MTHFD1L: variants seen among roughly 807,000 people sequenced by gnomAD.
The protein encoded by MTHFD1L is monofunctional C1-tetrahydrofolate synthase, mitochondrial.
Under a neutral mutation model 119.5 loss-of-function variants are expected in MTHFD1L, and 81 were observed. The ratio of observed to expected loss-of-function variants is 0.68; its 90% CI spans 0.57 to 0.82. The LOEUF (loss-of-function observed/expected upper bound fraction) is 0.82, where lower values mean the gene tolerates loss of function less well. MTHFD1L is among the 40% of genes least tolerant of loss of function. The pLI is 0.00. For missense variants in MTHFD1L, 1,125 were observed against 1,253.4 expected, an observed-to-expected ratio of 0.90 and a Z score of 1.55; for synonymous variants, 430 against 475.2, an observed-to-expected ratio of 0.90 and a Z score of 1.24.
chr6:151,093,039 C>T (rs1794588820), intron 27 of MTHFD1L, among the ~76,000 whole-genome samples: 1 of 152,172 alleles, frequency 6.6e-6, no homozygotes, highest in African/African-American at 2.4e-5. Context: ...CTGGGGCTGC[C>T]ATGACAAAGT....
At chr6:150,959,188 G>A (rs548250441) in intron 17 of MTHFD1L, 1 of 984,716 alleles carries the variant, frequency 1.0e-6, no homozygotes, top group South Asian at 4.7e-5. Context: ...AGTGACTAAT[G>A]CAATCTCAAC....
chr6:150,875,149 G>A (rs1780213021), intron 1 of MTHFD1L, among the ~76,000 whole-genome samples: 1 of 151,866 alleles, frequency 6.6e-6, no homozygotes, highest in South Asian at 2.1e-4. Flanking sequence ...TCAAACTCAT[G>A]GGCTCAAGCG....
At chr6:151,007,781 GGT>G (rs1781612147) in intron 20 of MTHFD1L, among the ~76,000 whole-genome samples, 2 of 152,152 alleles carry the variant, frequency 1.3e-5, no homozygotes, top group Non-Finnish European at 2.9e-5. Flanking sequence ...GTACCACTGA[GGT>G]AAGGATTGTT....
chr6:151,041,756 C>G (rs759918006), intron 26 of MTHFD1L: 28 of 447,932 alleles, frequency 6.3e-5, no homozygotes, highest in South Asian at 4.2e-4. Flanking sequence ...GCAGAAAGCC[C>G]CTCTTGTTGT....
chr6:150,998,995 A>AAAAAAAAAAAGTATATAT (rs986639098), intron 20 of MTHFD1L, among the ~76,000 whole-genome samples: 5 of 143,586 alleles, frequency 3.5e-5, no homozygotes, highest in Non-Finnish European at 6.1e-5. Flanking sequence ...GTCTTAAAAA[A>AAAAAAAAAAAGTATATAT]ATATATATAC....
intron 7 of MTHFD1L, among the ~76,000 whole-genome samples, chr6:150,897,461 C>T (rs537737950): frequency 6.6e-6 from 1 of 152,340 alleles, no homozygotes; most frequent in East Asian, 1.9e-4. Context: ...GCCAGTTCCA[C>T]TGCAGTAGAA....
intron 24 of MTHFD1L, among the ~76,000 whole-genome samples, chr6:151,019,149 C>A (rs963309444): frequency 6.6e-6 from 1 of 151,410 alleles, no homozygotes; most frequent in Non-Finnish European, 1.5e-5. Flanking sequence ...ACCCTTGGCA[C>A]ATGCCAGAGC....
rs192012263 is a variant in MTHFD1L at position 151,059,716 on chromosome 6, T to G, written c.2847+22599T>G. 5.9e-5 allele frequency among the ~76,000 whole-genome samples: 9 copies of G among 151,678 alleles called. No homozygotes were observed. In the East Asian group the frequency reaches 1.5e-3, roughly 26 times the overall value. ...GCGTTTCCCAGAGCAGTTTCGAAAGTGGAAATGATGCTGCATTTCCTACCC... is the reference window on the plus strand; with the variant it reads ...GCGTTTCCCAGAGCAGTTTCGAAAGGGGAAATGATGCTGCATTTCCTACCC... On this transcript the variant is annotated intron_variant, in intron 26 of 27. Coordinates refer to ENST00000367321, the MANE Select transcript of MTHFD1L (RefSeq NM_015440.5).
chr6:151,078,303 G>A (rs1792787695), intron 26 of MTHFD1L, among the ~76,000 whole-genome samples: 1 of 152,074 alleles, frequency 6.6e-6, no homozygotes, highest in Admixed American at 6.5e-5. Flanking sequence ...AATTAGCCAG[G>A]TGTGGTGGCC....
intron 20 of MTHFD1L, among the ~76,000 whole-genome samples, chr6:151,000,259 C>A (rs1321434716): frequency 6.6e-6 from 1 of 151,760 alleles, no homozygotes; most frequent in Admixed American, 6.6e-5. Flanking sequence ...ATTGCTTGAA[C>A]CAGGGAGGTG....
intron 4 of MTHFD1L, among the ~76,000 whole-genome samples, chr6:150,882,270 A>T: frequency 6.6e-6 from 1 of 152,202 alleles, no homozygotes; most frequent in Admixed American, 6.5e-5. Context: ...GGCCTCTGTG[A>T]CTGCTTGGAC....
chr6:151,096,191 ATTGT>A (rs548808697), intron 27 of MTHFD1L, among the ~76,000 whole-genome samples: 97 of 152,326 alleles, frequency 6.4e-4, no homozygotes, highest in African/African-American at 2.2e-3. Flanking sequence ...AGTAAAGATA[ATTGT>A]TTGGGTATTA....
intron 18 of MTHFD1L, among the ~76,000 whole-genome samples, chr6:150,961,963 TC>T (rs1796509212): frequency 6.6e-6 from 1 of 152,180 alleles, no homozygotes; most frequent in Non-Finnish European, 1.5e-5. Context: ...AAATACTGCT[TC>T]CTTAAATCTA....
chr6:151,050,506 C>T (rs1788851231), intron 26 of MTHFD1L, among the ~76,000 whole-genome samples: 1 of 152,200 alleles, frequency 6.6e-6, no homozygotes. Context: ...GCATGTGTTT[C>T]CTTTAGTTCT....
intron 20 of MTHFD1L, among the ~76,000 whole-genome samples, chr6:150,998,033 G>C (rs1243527829): frequency 1.3e-5 from 2 of 152,172 alleles, no homozygotes; most frequent in Non-Finnish European, 2.9e-5. Flanking sequence ...CTGAAATCCA[G>C]AGCAGCAATT....
At chr6:150,975,079 A>G (rs1776366584) in intron 20 of MTHFD1L, among the ~76,000 whole-genome samples, 1 of 152,190 alleles carries the variant, frequency 6.6e-6, no homozygotes, top group African/African-American at 2.4e-5. Context: ...ATTCCATCGT[A>G]TGGATAGACC....
In MTHFD1L at chr6:151,037,131, A is replaced by G. The variant is rs1435508588; in HGVS notation, c.2847+14A>G. 2 of 1,611,438 alleles carry G rather than the reference A, an allele frequency of 1.2e-6. No individual in the cohort carries two copies. Among genetic ancestry groups the G allele is most frequent in the South Asian group, 1.1e-5 (1 of 90,968 alleles). ...TTGGTCGGAACGGTGAGTGAGTCAC[A>G]TTTTCCAAAAACCCTCCCCATTCTG... On this transcript the variant is annotated intron_variant, in intron 26 of 27. Transcript: ENST00000367321.
rs1486502206 is a variant in MTHFD1L, at chr6:151,041,792, C to T, written c.2847+4675C>T. 3 of 532,688 alleles carry T rather than the reference C, an allele frequency of 5.6e-6. No homozygotes were observed. The Admixed American group carries it at 5.8e-5, about 10-fold the overall frequency. The allele number at this position is 532,688 out of a possible 1,614,324, so 33.0% of individuals were successfully genotyped here. A position where few individuals can be genotyped will look rare whatever the true frequency, so the allele number is the denominator to read the frequency against. ...GTCCTCAAGGGAGGCAGAGAAGCTC[C>T]CCTCTGGCTCTAGTTGGAGAATCCC... is the stretch of plus-strand genomic sequence containing the variant. On this transcript the variant is annotated intron_variant, in intron 26 of 27. Coordinates refer to ENST00000367321, the MANE Select transcript of MTHFD1L (RefSeq NM_015440.5).
At chr6:151,101,496 T>C (rs1322466555) in intron 27 of MTHFD1L, 30 bp from the exon 28 acceptor site, 1 of 152,634 alleles carries the variant, frequency 6.6e-6, no homozygotes, top group Non-Finnish European at 1.5e-5. Context: ...CTTAAACTAC[T>C]CAAACATGGT....
Sources: allele counts gnomAD v4.1 joint callset (sites outside exome capture counted in the v4.1 genomes callset), GRCh38; gene constraint gnomAD v4.1.1; transcripts MANE v1.5; gene names NCBI Gene and HGNC (gene_info 2026-07-23, HGNC 2026-07-21).